DOCK2: variants seen among roughly 807,000 people sequenced by gnomAD.
DOCK2 encodes the protein dedicator of cytokinesis protein 2.
In DOCK2, 87 loss-of-function variants were observed where a neutral mutation model predicts 248.9. That is an observed-to-expected ratio of 0.35 (90% CI 0.29 to 0.42). The LOEUF (loss-of-function observed/expected upper bound fraction) is 0.42, where lower values mean the gene tolerates loss of function less well. Ranked by LOEUF, DOCK2 falls within the 10% of genes least tolerant of loss-of-function variation. The probability of loss-of-function intolerance (pLI) is 1.00; values close to 1 mark genes in which losing one functional copy is unlikely to be tolerated. For missense variants in DOCK2, 1,747 were observed against 2,300.2 expected (o/e 0.76, Z 4.92); for synonymous variants, 805 against 821.6 (o/e 0.98, Z 0.35).
At chr5:169,892,058 A>G (rs1163112880) in intron 27 of DOCK2, among the ~76,000 whole-genome samples, 1 of 152,012 alleles carries the variant, frequency 6.6e-6, no homozygotes, top group Non-Finnish European at 1.5e-5. Flanking sequence ...ACTACAACAA[A>G]CTTTAGACCT....
chr5:169,684,630 A>G (rs771854729), intron 8 of DOCK2, among the ~76,000 whole-genome samples: 2 of 152,214 alleles, frequency 1.3e-5, no homozygotes, highest in Non-Finnish European at 2.9e-5. Flanking sequence ...GACAAGTAGC[A>G]TTGGCTAGAA....
rs997830378 is a variant in DOCK2, at chr5:170,083,000, A to G, written c.*142A>G. The G allele has an allele frequency of 3.9e-6, 4 of 1,031,906 alleles. No individual in the cohort carries two copies. The highest frequency in any genetic ancestry group is 3.2e-5 in the African/African-American group (2 of 63,410). The allele number at this position is 1,031,906 out of a possible 1,614,324, so 63.9% of individuals were successfully genotyped here. Reference sequence around the variant, plus strand: ...TTACTTAGAGGAGACAGAGAGGCCAATCAGGTCCCAGAGCTTGAATGCTAA... The same window carrying G: ...TTACTTAGAGGAGACAGAGAGGCCAGTCAGGTCCCAGAGCTTGAATGCTAA... On this transcript the variant is annotated 3_prime_UTR_variant, in exon 52 of 52. Transcript: ENST00000520908.
At chr5:169,875,337 G>A (rs755542654) in intron 27 of DOCK2, 84 of 456,530 alleles carry the variant, frequency 1.8e-4, no homozygotes, top group South Asian at 1.3e-3. Flanking sequence ...AGGTTCCGAT[G>A]CAGATGGTCC....
chr5:169,660,465 CTATG>C (rs1758381111), intron 2 of DOCK2, among the ~76,000 whole-genome samples: 2 of 144,818 alleles, frequency 1.4e-5, no homozygotes, highest in Non-Finnish European at 3.1e-5. Flanking sequence ...ACTACATACT[CTATG>C]TACTATTCTG....
intron 27 of DOCK2, among the ~76,000 whole-genome samples, chr5:169,929,615 T>C (rs1019537115): frequency 1.3e-5 from 2 of 151,900 alleles, no homozygotes; most frequent in African/African-American, 2.4e-5. Flanking sequence ...TGGTGGCACA[T>C]GCCTGTAGTC....
chr5:169,661,725 G>T (rs1172574513), intron 2 of DOCK2, among the ~76,000 whole-genome samples: 1 of 151,866 alleles, frequency 6.6e-6, no homozygotes, highest in Non-Finnish European at 1.5e-5. Context: ...TACTTTCTGT[G>T]TCTGTCATAT....
At chr5:170,057,532 ATG>A in intron 43 of DOCK2, 46 bp from the exon 44 acceptor site, 2 of 1,561,560 alleles carry the variant, frequency 1.3e-6, no homozygotes, top group Non-Finnish European at 1.8e-6. Context: ...GGTTTCATAA[ATG>A]TGTTTGTTGC....
chr5:169,890,344 C>T (rs763782299), intron 27 of DOCK2, among the ~76,000 whole-genome samples: 1 of 152,168 alleles, frequency 6.6e-6, no homozygotes, highest in African/African-American at 2.4e-5. Flanking sequence ...GATCATTCAC[C>T]TCTGGGCCTT....
chr5:169,724,553 T>C (rs1486777811), intron 22 of DOCK2, among the ~76,000 whole-genome samples: 1 of 151,486 alleles, frequency 6.6e-6, no homozygotes, highest in Non-Finnish European at 1.5e-5. Flanking sequence ...AAGCCTGCCC[T>C]GGTGTGCACA....
At chr5:169,873,782 C>T (rs1291261319) in intron 27 of DOCK2, among the ~76,000 whole-genome samples, 1 of 152,206 alleles carries the variant, frequency 6.6e-6, no homozygotes, top group African/African-American at 2.4e-5. Flanking sequence ...GGCCAAATCG[C>T]TTAACCAAGA....
chr5:169,990,750 G>A (rs1008224538), intron 29 of DOCK2, among the ~76,000 whole-genome samples: 3 of 152,184 alleles, frequency 2.0e-5, no homozygotes, highest in African/African-American at 7.2e-5. Flanking sequence ...TGAATGACAG[G>A]GGATTGGGAT....
chr5:169,883,110 G>C (rs370562223), intron 27 of DOCK2: 2 of 1,551,546 alleles, frequency 1.3e-6, no homozygotes, highest in Non-Finnish European at 1.7e-6. Flanking sequence ...GGCTGGCAAC[G>C]CTGGTGGCAT....
At chr5:170,008,795 C>G (rs1417566307) in intron 32 of DOCK2, 49 bp downstream of exon 32, 1 of 1,609,504 alleles carries the variant, frequency 6.2e-7, no homozygotes, top group Non-Finnish European at 8.5e-7. Context: ...GCACCAAACT[C>G]CTTCTTAAAG....
intron 36 of DOCK2, among the ~76,000 whole-genome samples, 184 bp downstream of exon 36, chr5:170,036,739 C>T (rs576999121): frequency 6.6e-6 from 1 of 152,292 alleles, no homozygotes; most frequent in South Asian, 2.1e-4. Context: ...ACAGTCAGCC[C>T]CATAAAACCA....
Position 170,046,633 on chromosome 5 carries a change from G to A in DOCK2, c.3966+728G>A, listed in dbSNP as rs540361854. Reference sequence around the variant, plus strand: ...TGATCTTGTTAAAAACAGCTGAGCTGTTAACTGTTTTCACTGTTTGTAAGA... The same window carrying A: ...TGATCTTGTTAAAAACAGCTGAGCTATTAACTGTTTTCACTGTTTGTAAGA... On this transcript the variant is annotated intron_variant, in intron 39 of 51. Transcript: ENST00000520908. Among the ~76,000 whole-genome samples, 406 of 152,298 alleles carry A rather than the reference G, an allele frequency of 2.7e-3. 13 individuals are homozygous for A. In the South Asian group the frequency reaches 0.049, roughly 18 times the overall value.
chr5:169,791,661 C>A (rs373651008), intron 25 of DOCK2, among the ~76,000 whole-genome samples: 3 of 152,166 alleles, frequency 2.0e-5, no homozygotes, highest in African/African-American at 7.2e-5. Context: ...ATAACACTGG[C>A]GTTGGAGTCA....
intron 33 of DOCK2, among the ~76,000 whole-genome samples, chr5:170,023,660 C>T (rs1207184007): frequency 6.6e-6 from 1 of 152,172 alleles, no homozygotes; most frequent in African/African-American, 2.4e-5. Flanking sequence ...TCCAGACACC[C>T]CTTCTCACGT....
At chr5:169,934,400 C>T (rs1360522646) in intron 27 of DOCK2, among the ~76,000 whole-genome samples, 1 of 152,204 alleles carries the variant, frequency 6.6e-6, no homozygotes, top group Non-Finnish European at 1.5e-5. Context: ...ATTTACCTAT[C>T]CGCATGCCCG....
intron 23 of DOCK2, among the ~76,000 whole-genome samples, chr5:169,759,085 T>A (rs1764340913): frequency 6.6e-6 from 1 of 152,212 alleles, no homozygotes; most frequent in Admixed American, 6.5e-5. Context: ...TATCTCTGGA[T>A]GCATCAGTTA....
Sources: allele counts gnomAD v4.1 joint callset (sites outside exome capture counted in the v4.1 genomes callset), GRCh38; gene constraint gnomAD v4.1.1; transcripts MANE v1.5; gene names NCBI Gene and HGNC (gene_info 2026-07-23, HGNC 2026-07-21).